Variants in ANO3 observed in about 807,000 individuals in gnomAD.
ANO3 encodes anoctamin 3.
In ANO3, 99 loss-of-function variants were observed where a neutral mutation model predicts 144.8. The observed-to-expected ratio is 0.68, with a 90% confidence interval of 0.58 to 0.81. ANO3 has a LOEUF of 0.81. Among genes scored for constraint, ANO3 ranks in the 30% least tolerant of loss-of-function variants. ANO3 has a pLI of 0.00. For missense variants in ANO3, 905 were observed against 1,202.2 expected, an observed-to-expected ratio of 0.75 and a Z score of 3.66; for synonymous variants, 414 against 392.6, an observed-to-expected ratio of 1.05 and a Z score of -0.64.
chr11:26,648,900 A>G (rs1199595588), intron 24 of ANO3, among the ~76,000 whole-genome samples: 1 of 152,128 alleles, frequency 6.6e-6, no homozygotes, highest in Non-Finnish European at 1.5e-5. Context: ...TGCACTGTTA[A>G]CTCTGCTGAG....
At chr11:26,216,168 T>C (rs1564920634) in intron 1 of ANO3, among the ~76,000 whole-genome samples, 1 of 151,996 alleles carries the variant, frequency 6.6e-6, no homozygotes. Context: ...TAAAATAATT[T>C]TTTAGAATTT....
At chr11:26,630,981 T>TC (rs543301774) in intron 18 of ANO3, among the ~76,000 whole-genome samples, 169 of 151,986 alleles carry the variant, frequency 1.1e-3, no homozygotes, top group African/African-American at 4.0e-3. Context: ...ATTTTCTTTT[T>TC]TTTTTTAGTT....
chr11:26,629,369 C>T (rs1015871719), intron 18 of ANO3, among the ~76,000 whole-genome samples: 11 of 151,692 alleles, frequency 7.3e-5, no homozygotes, highest in Non-Finnish European at 1.0e-4. Context: ...TTTGTGATTC[C>T]TTTCATTACT....
intron 1 of ANO3, among the ~76,000 whole-genome samples, chr11:26,322,840 G>A (rs1854793611): frequency 6.6e-6 from 1 of 152,102 alleles, no homozygotes; most frequent in South Asian, 2.1e-4. Context: ...GGAATAGGGA[G>A]TTATGCTTCT....
intron 17 of ANO3, among the ~76,000 whole-genome samples, chr11:26,620,367 C>T (rs1852379454): frequency 6.6e-6 from 1 of 151,728 alleles, no homozygotes. Flanking sequence ...CAGAAGTACT[C>T]TTAGAGTTTG....
chr11:26,624,021 C>T (rs1230243823), intron 17 of ANO3, among the ~76,000 whole-genome samples: 2 of 152,098 alleles, frequency 1.3e-5, no homozygotes, highest in Non-Finnish European at 2.9e-5. Flanking sequence ...CTCCTGACTT[C>T]GTGATCCGCC....
At chr11:26,617,756 C>G (rs1488188281) in intron 17 of ANO3, among the ~76,000 whole-genome samples, 3 of 152,142 alleles carry the variant, frequency 2.0e-5, no homozygotes, top group Non-Finnish European at 2.9e-5. Context: ...ACAGCCAACT[C>G]AAACAATGTA....
chr11:26,249,781 AAAAG>A (rs546224172), intron 1 of ANO3, among the ~76,000 whole-genome samples: 21 of 152,198 alleles, frequency 1.4e-4, no homozygotes, highest in Admixed American at 2.6e-4. Context: ...AAACAAACAA[AAAAG>A]AAAGAAAGAA....
At chr11:26,493,889 C>G (rs1034710257) in intron 4 of ANO3, among the ~76,000 whole-genome samples, 1 of 152,130 alleles carries the variant, frequency 6.6e-6, no homozygotes, top group Admixed American at 6.5e-5. Context: ...ACTCTAAATA[C>G]CTTCTTTCAA....
At chr11:26,429,132 G>A (rs1858004287) in intron 1 of ANO3, among the ~76,000 whole-genome samples, 1 of 152,094 alleles carries the variant, frequency 6.6e-6, no homozygotes, top group East Asian at 1.9e-4. Context: ...TGTTTTTCTG[G>A]AGGAACTCTA....
intron 1 of ANO3, among the ~76,000 whole-genome samples, chr11:26,406,999 T>G (rs1472498457): frequency 6.9e-6 from 1 of 144,184 alleles, no homozygotes; most frequent in Non-Finnish European, 1.5e-5. Flanking sequence ...TAGGTGTGTA[T>G]ATATATAGGT....
intron 4 of ANO3, among the ~76,000 whole-genome samples, chr11:26,477,532 C>T (rs1860029633): frequency 6.6e-6 from 1 of 152,116 alleles, no homozygotes; most frequent in Non-Finnish European, 1.5e-5. Flanking sequence ...ACCTCCGCCC[C>T]CTCATAGCAC....
chr11:26,288,232 T>C (rs1853853457), intron 1 of ANO3, among the ~76,000 whole-genome samples: 2 of 152,156 alleles, frequency 1.3e-5, no homozygotes, highest in East Asian at 3.8e-4. Flanking sequence ...CCAGTGAATT[T>C]AGAGGTGGAA....
chr11:26,631,204 T>G (rs989749849), intron 18 of ANO3, among the ~76,000 whole-genome samples: 6 of 152,036 alleles, frequency 3.9e-5, no homozygotes, highest in African/African-American at 1.4e-4. Context: ...TCTTTTCTCA[T>G]AACTAGACTT....
intron 2 of ANO3, among the ~76,000 whole-genome samples, chr11:26,442,619 C>T (rs1272266536): frequency 1.3e-5 from 2 of 152,192 alleles, no homozygotes; most frequent in Non-Finnish European, 1.5e-5. Context: ...AGGTGCCACA[C>T]AAAGAAACGC....
Position 26,486,360 on chromosome 11 carries a change from CAA to C in ANO3, c.433-21726_433-21725del, listed in dbSNP as rs10681114. ...TGGGCGACAGAGTGAGACTCTGTCT[CAA>C]AAAAAAAAAAAAAAAAAGGAAGTCA... On this transcript the variant is annotated intron_variant, in intron 4 of 26. Coordinates refer to ENST00000256737, the MANE Select transcript of ANO3 (RefSeq NM_031418.4). Among the ~76,000 whole-genome samples the C allele has an allele frequency of 5.5e-3, 410 of 74,302 alleles. 1 individual carries two copies. Among genetic ancestry groups the C allele is most frequent in the African/African-American group, 0.021 (392 of 18,862 alleles). The allele number at this position is 74,302 out of a possible 152,430, so 48.7% of individuals were successfully genotyped here.
At chr11:26,602,302 T>G (rs1029278316) in intron 17 of ANO3, among the ~76,000 whole-genome samples, 1 of 152,174 alleles carries the variant, frequency 6.6e-6, no homozygotes, top group Non-Finnish European at 1.5e-5. Flanking sequence ...GAGTGGCATG[T>G]AAAGAGTATG....
In ANO3 at chr11:26,561,023, T is replaced by A. The variant is rs572465185; in HGVS notation, c.1447+1244T>A. The A allele has an allele frequency of 1.3e-6, 2 of 1,570,522 alleles. 1 individual carries two copies. Among genetic ancestry groups the A allele is most frequent in the South Asian group, 2.3e-5 (2 of 85,958 alleles). ...AGATGAATTTGTCAAAAGGCTAGGA[T>A]GTAGATGACACTTGCTGTTTAACGC... On this transcript the variant is annotated intron_variant, in intron 14 of 26. Coordinates refer to ENST00000256737, the MANE Select transcript of ANO3 (RefSeq NM_031418.4).
chr11:26,404,855 A>G (rs1349706780), intron 1 of ANO3, among the ~76,000 whole-genome samples: 2 of 151,594 alleles, frequency 1.3e-5, no homozygotes, highest in African/African-American at 4.8e-5. Context: ...AGTGGAATTA[A>G]GTTTTCAAGA....
Sources: allele counts gnomAD v4.1 joint callset (sites outside exome capture counted in the v4.1 genomes callset), GRCh38; gene constraint gnomAD v4.1.1; transcripts MANE v1.5; gene names NCBI Gene and HGNC (gene_info 2026-07-23, HGNC 2026-07-21).